DYNC2H1: variants seen among roughly 807,000 people sequenced by gnomAD.
DYNC2H1 encodes dynein cytoplasmic 2 heavy chain 1.
In DYNC2H1, 410 loss-of-function variants were observed where a neutral mutation model predicts 570.0. That is an observed-to-expected ratio of 0.72 (90% CI 0.66 to 0.78). The LOEUF (loss-of-function observed/expected upper bound fraction) is 0.78. Ranked by LOEUF, DYNC2H1 falls within the 30% of genes least tolerant of loss-of-function variation. The pLI, the probability that DYNC2H1 is intolerant of heterozygous loss-of-function variation, is 0.00. For missense variants in DYNC2H1, 4,865 were observed against 5,046.4 expected (o/e 0.96, Z 1.09); for synonymous variants, 1,688 against 1,677.6 (o/e 1.01, Z -0.15).
intron 56 of DYNC2H1, among the ~76,000 whole-genome samples, chr11:103,220,359 G>A (rs1014941165): frequency 1.3e-5 from 2 of 152,154 alleles, no homozygotes; most frequent in Non-Finnish European, 2.9e-5. Flanking sequence ...GATATAAAGA[G>A]CCTCTTGAAA....
chr11:103,247,278 C>G (rs997193652), intron 65 of DYNC2H1, among the ~76,000 whole-genome samples: 13 of 151,992 alleles, frequency 8.6e-5, no homozygotes. Context: ...GAGATGACAG[C>G]TAAACATTTG....
At chr11:103,445,184 AAACG>A (rs1187906138) in intron 85 of DYNC2H1, among the ~76,000 whole-genome samples, 1 of 152,246 alleles carries the variant, frequency 6.6e-6, no homozygotes, top group Non-Finnish European at 1.5e-5. Flanking sequence ...GATTTCATAA[AAACG>A]AACTAGTTGA....
rs1250308200 is a variant in DYNC2H1, at chr11:103,119,070, T to G, written c.999+1207T>G. The stretch of plus-strand genomic sequence containing the variant: ...CTTTTTGTTACTTTGAAATATAGTT[T>G]GCATAGAAACGGCAGTATAGATAAT... On this transcript the variant is annotated intron_variant, in intron 6 of 88. Coordinates refer to ENST00000375735, the MANE Select transcript of DYNC2H1 (RefSeq NM_001377.3). 3.3e-5 allele frequency among the ~76,000 whole-genome samples: 5 copies of G among 152,226 alleles called. No individual in the cohort carries two copies. The East Asian group carries it at 9.6e-4, about 29-fold the overall frequency.
intron 85 of DYNC2H1, among the ~76,000 whole-genome samples, chr11:103,449,089 G>A (rs963495598): frequency 2.0e-5 from 3 of 152,168 alleles, no homozygotes; most frequent in Non-Finnish European, 4.4e-5. Flanking sequence ...AGCCTATACA[G>A]GTAAATGTCT....
chr11:103,122,729 A>G, intron 10 of DYNC2H1, 96 bp from the exon 11 acceptor site: 2 of 1,049,716 alleles, frequency 1.9e-6, no homozygotes, highest in Non-Finnish European at 2.7e-6. Flanking sequence ...AGGTAAAATA[A>G]TTTCTGAATC....
intron 36 of DYNC2H1, 76 bp from the exon 37 acceptor site, chr11:103,176,159 A>G: frequency 1.8e-6 from 2 of 1,130,494 alleles, no homozygotes; most frequent in Non-Finnish European, 2.4e-6. Context: ...ATGCATATCA[A>G]GGCTATAGAA....
At chr11:103,475,493 T>C (rs1945522378) in intron 88 of DYNC2H1, among the ~76,000 whole-genome samples, 1 of 152,212 alleles carries the variant, frequency 6.6e-6, no homozygotes, top group Non-Finnish European at 1.5e-5. Flanking sequence ...GCTAATATAA[T>C]AGTGAGAATG....
intron 31 of DYNC2H1, among the ~76,000 whole-genome samples, chr11:103,167,513 C>T (rs1006372676): frequency 6.6e-6 from 1 of 152,134 alleles, no homozygotes; most frequent in Non-Finnish European, 1.5e-5. Context: ...AGCAGTCCTC[C>T]TGCCTCGGCC....
In DYNC2H1 at chr11:103,203,126, A is replaced by G. The variant is rs12796390; in HGVS notation, c.8198-537A>G. 0.23 allele frequency among the ~76,000 whole-genome samples: 35,366 copies of G among 152,156 alleles called. 4,268 individuals are homozygous for G. Among genetic ancestry groups the G allele is most frequent in the Middle Eastern group, 0.36 (106 of 294 alleles). On this transcript the variant is annotated intron_variant, in intron 50 of 88. Coordinates refer to ENST00000375735, the MANE Select transcript of DYNC2H1 (RefSeq NM_001377.3). This position sits in a 1 kb window ranked among gnomAD's most constrained non-coding sequence, Gnocchi z 4.7. ...ATTTGTCCTCAGAAATTTAAAGTCTAATTGGAGATAAGAAGGAAGTAATTC... is the reference window on the plus strand; with the variant it reads ...ATTTGTCCTCAGAAATTTAAAGTCTGATTGGAGATAAGAAGGAAGTAATTC...
intron 63 of DYNC2H1, among the ~76,000 whole-genome samples, chr11:103,236,816 A>G (rs1445815847): frequency 2.6e-5 from 4 of 151,906 alleles, no homozygotes; most frequent in African/African-American, 9.7e-5. Flanking sequence ...TATTTTAGGG[A>G]TACCCAATTC....
chr11:103,147,784 A>C lies in DYNC2H1; in HGVS notation c.2715A>C (p.Val905=). 6.2e-7 allele frequency: 1 copy of C among 1,605,322 alleles called. No homozygotes were observed. Among genetic ancestry groups the C allele is most frequent in the South Asian group, 1.1e-5 (1 of 89,094 alleles). ...EVERLPSAVK[V]DCLNINCNPV... ...TGACATTTTTCAGTGCTGTCAAGGTAGATTGTTTAAATATTAATTGCAACC... is the reference window on the plus strand; with the variant it reads ...TGACATTTTTCAGTGCTGTCAAGGTCGATTGTTTAAATATTAATTGCAACC... Residue 905 remains valine (V), a synonymous_variant, in exon 19 of 89, where the codon GTA becomes GTC. Coordinates refer to ENST00000375735, the MANE Select transcript of DYNC2H1 (RefSeq NM_001377.3).
chr11:103,224,663 G>A (rs536975949), intron 59 of DYNC2H1, among the ~76,000 whole-genome samples: 1 of 152,194 alleles, frequency 6.6e-6, no homozygotes, highest in Non-Finnish European at 1.5e-5. Context: ...GATGGGCATT[G>A]GGTTGGTTCC....
At chr11:103,236,399 TG>T in intron 62 of DYNC2H1, 30 bp from the exon 63 acceptor site, 1 of 1,229,664 alleles carries the variant, frequency 8.1e-7, no homozygotes. Context: ...AAGATCGTTG[TG>T]AAGTATTATC....
intron 73 of DYNC2H1, among the ~76,000 whole-genome samples, chr11:103,284,012 C>G (rs1013565852): frequency 1.5e-3 from 34 of 22,564 alleles, no homozygotes; most frequent in Middle Eastern, 0.023. Context: ...CTTGTAAAAG[C>G]TACTTTTAAC....
intron 75 of DYNC2H1, among the ~76,000 whole-genome samples, chr11:103,288,391 G>A (rs1391644349): frequency 2.0e-5 from 3 of 151,988 alleles, no homozygotes; most frequent in African/African-American, 7.3e-5. Context: ...AGCTATCCTT[G>A]TTCATTCTTG....
chr11:103,428,300 C>T (rs867331229), intron 84 of DYNC2H1, among the ~76,000 whole-genome samples: 6 of 101,404 alleles, frequency 5.9e-5, no homozygotes, highest in East Asian at 8.1e-4. Context: ...TTATTGCCCA[C>T]CTACCATGGT....
At chr11:103,146,311 ATTTGTTT>A (rs1401324461) in intron 18 of DYNC2H1, among the ~76,000 whole-genome samples, 1 of 152,194 alleles carries the variant, frequency 6.6e-6, no homozygotes, top group Non-Finnish European at 1.5e-5. Context: ...AAGTTTTCAG[ATTTGTTT>A]TAACTTTGTA....
In DYNC2H1 at chr11:103,321,216, A is replaced by G; in HGVS notation, c.11913A>G (p.Leu3971=). The G allele has an allele frequency of 6.2e-7, 1 of 1,609,128 alleles. No individual in the cohort carries two copies. The highest frequency in any genetic ancestry group is 1.3e-5 in the African/African-American group (1 of 75,004). The change falls in exon 81 of 89, where the codon CTA becomes CTG. Residue 3971 remains leucine, a synonymous_variant. Coordinates refer to ENST00000375735, the MANE Select transcript of DYNC2H1 (RefSeq NM_001377.3). ...KKSIFPYSVS[L]PQSCSILDYR... ...GCATTTTTCCATATTCCGTATCTCT[A>G]CCACAATCCTGCAGCATTTTGGTAG...
chr11:103,273,075 T>TA (rs61550057), intron 70 of DYNC2H1, among the ~76,000 whole-genome samples: 1,584 of 149,912 alleles, frequency 0.011, 20 homozygotes, highest in African/African-American at 0.034. Flanking sequence ...ACAGTTTTTT[T>TA]AAAAAAAAAA....
Sources: allele counts gnomAD v4.1 joint callset (sites outside exome capture counted in the v4.1 genomes callset), GRCh38; gene constraint gnomAD v4.1.1; non-coding constraint Gnocchi (gnomAD v3.1); transcripts MANE v1.5; gene names NCBI Gene and HGNC (gene_info 2026-07-23, HGNC 2026-07-21).